SRGAP1: variants seen among roughly 807,000 people sequenced by gnomAD.
SRGAP1 encodes SLIT-ROBO Rho GTPase activating protein 1.
Under a neutral mutation model 121.9 loss-of-function variants are expected in SRGAP1, and 43 were observed. The ratio of observed to expected loss-of-function variants is 0.35; its 90% CI spans 0.28 to 0.46. SRGAP1 has a LOEUF of 0.46. Among genes scored for constraint, SRGAP1 ranks in the 20% least tolerant of loss-of-function variants. The pLI, the probability that SRGAP1 is intolerant of heterozygous loss-of-function variation, is 1.00. For synonymous variants in SRGAP1, 447 were observed against 485.4 expected (o/e 0.92, Z 1.04); for missense variants, 1,102 against 1,350.9 (o/e 0.82, Z 2.89).
At chr12:63,864,357 T>C (rs1424550815) in intron 1 of SRGAP1, among the ~76,000 whole-genome samples, 1 of 152,158 alleles carries the variant, frequency 6.6e-6, no homozygotes, top group Non-Finnish European at 1.5e-5. Flanking sequence ...TAATACCACG[T>C]CCCATTTTCA....
rs1212962683 is a variant in SRGAP1 at position 63,971,817 on chromosome 12, C to T, written c.68-12130C>T. Among the ~76,000 whole-genome samples, 4 of 151,978 alleles carry T rather than the reference C, an allele frequency of 2.6e-5. No individual in the cohort carries two copies. The East Asian group carries it at 7.7e-4, about 29-fold the overall frequency. On this transcript the variant is annotated intron_variant, in intron 1 of 21. Transcript: ENST00000355086. ...TTTTAGCTGAAAAAATAATTGCCAT[C>T]TCTTTAAGGATTTTGTAGCCTAAAA...
intron 21 of SRGAP1, among the ~76,000 whole-genome samples, chr12:64,141,363 T>C (rs897746878): frequency 1.3e-5 from 2 of 150,948 alleles, no homozygotes; most frequent in Admixed American, 6.6e-5. Context: ...AGGCGGATCA[T>C]GAGGTCAGGA....
chr12:63,867,236 C>T (rs2136272862), intron 1 of SRGAP1, among the ~76,000 whole-genome samples: 1 of 152,338 alleles, frequency 6.6e-6, no homozygotes, highest in African/African-American at 2.4e-5. Context: ...TGGCCTAAGC[C>T]TCTTATCTCA....
At chr12:64,111,660 T>C in intron 16 of SRGAP1, 102 bp from the exon 17 acceptor site, 2 of 1,016,582 alleles carry the variant, frequency 2.0e-6, no homozygotes, top group Non-Finnish European at 2.8e-6. Context: ...CAACTTAAAG[T>C]TGAAGTATCT....
At chr12:64,099,594 T>C (rs2036222696) in intron 15 of SRGAP1, among the ~76,000 whole-genome samples, 1 of 152,152 alleles carries the variant, frequency 6.6e-6, no homozygotes, top group South Asian at 2.1e-4. Context: ...TGCACGTCCA[T>C]TCCACGGCCC....
Position 64,147,714 on chromosome 12 carries a change from G to C in SRGAP1, c.*5042G>C. Reference sequence around the variant, plus strand: ...AAAAAAAATGTTTTGTTAATCTGTTGTGACAATGCACTTTTATGTATAGTA... The same window carrying C: ...AAAAAAAATGTTTTGTTAATCTGTTCTGACAATGCACTTTTATGTATAGTA... On this transcript the variant is annotated 3_prime_UTR_variant, in exon 22 of 22. Transcript: ENST00000355086. 2.5e-6 allele frequency: 1 copy of C among 398,562 alleles called. No homozygotes were observed. Among genetic ancestry groups the C allele is most frequent in the South Asian group, 1.3e-4 (1 of 7,846 alleles). 24.7% of individuals were successfully genotyped at this position (398,562 alleles called of 1,614,324 possible).
rs200766847 is a variant in SRGAP1 at position 64,109,035 on chromosome 12, T to C, written c.1917T>C (p.Asn639=). The change falls in exon 16 of 22, where the codon AAT becomes AAC. Residue 639 remains asparagine (N), a splice_region_variant and synonymous_variant. Transcript: ENST00000355086. ...IVMRYLFAFL[N]HLSQYSDENM... ...TGAGGTACCTCTTTGCCTTCCTCAATCAGTAAGTACCTGAATGCTCTGACA... is the reference window on the plus strand; with the variant it reads ...TGAGGTACCTCTTTGCCTTCCTCAACCAGTAAGTACCTGAATGCTCTGACA... 3.9e-6 allele frequency: 6 copies of C among 1,555,572 alleles called. No individual in the cohort carries two copies. Among genetic ancestry groups the C allele is most frequent in the Non-Finnish European group, 5.3e-6 (6 of 1,141,576 alleles).
intron 1 of SRGAP1, among the ~76,000 whole-genome samples, chr12:63,850,043 G>A (rs1420889675): frequency 2.6e-5 from 4 of 152,090 alleles, no homozygotes; most frequent in African/African-American, 9.7e-5. Context: ...TTTTCACCAG[G>A]ACCATTTTAA....
At chr12:63,914,483 A>G (rs952888266) in intron 1 of SRGAP1, among the ~76,000 whole-genome samples, 1 of 152,202 alleles carries the variant, frequency 6.6e-6, no homozygotes, top group Non-Finnish European at 1.5e-5. Context: ...TACTACTACA[A>G]TTTAATATTG....
chr12:63,950,724 A>T (rs2032259376), intron 1 of SRGAP1, among the ~76,000 whole-genome samples: 1 of 152,146 alleles, frequency 6.6e-6, no homozygotes, highest in South Asian at 2.1e-4. Flanking sequence ...AAACCTTTGC[A>T]TTCCGTAGAA....
intron 8 of SRGAP1, among the ~76,000 whole-genome samples, chr12:64,068,138 G>T (rs1465662356): frequency 6.6e-6 from 1 of 151,750 alleles, no homozygotes; most frequent in African/African-American, 2.4e-5. Context: ...AATTAGCTGG[G>T]CATGGCAGCA....
chr12:64,101,411 A>G (rs1403789014), intron 15 of SRGAP1, among the ~76,000 whole-genome samples: 1 of 150,862 alleles, frequency 6.6e-6, no homozygotes, highest in Non-Finnish European at 1.5e-5. Context: ...GTTCTTTGGA[A>G]GCTTACAAAT....
chr12:64,109,907 G>A (rs1405303509), intron 16 of SRGAP1, among the ~76,000 whole-genome samples: 3 of 152,126 alleles, frequency 2.0e-5, no homozygotes, highest in African/African-American at 7.2e-5. Context: ...TACCCACTCA[G>A]CTTGACCCCA....
At chr12:64,017,634 A>T (rs2034437233) in intron 4 of SRGAP1, among the ~76,000 whole-genome samples, 1 of 151,756 alleles carries the variant, frequency 6.6e-6, no homozygotes, top group Admixed American at 6.6e-5. Context: ...CAGCCTGGGC[A>T]ACAGAGTGAG....
At chr12:64,065,059 G>T in intron 7 of SRGAP1, 59 bp from the exon 8 acceptor site, 2 of 1,256,092 alleles carry the variant, frequency 1.6e-6, no homozygotes, top group East Asian at 2.4e-5. Context: ...TAACAGAGCC[G>T]TGCTTCTGGA....
chr12:63,970,588 CAGA>C, intron 1 of SRGAP1, among the ~76,000 whole-genome samples: 1 of 152,164 alleles, frequency 6.6e-6, no homozygotes, highest in East Asian at 1.9e-4. Context: ...ATAAGAAAAG[CAGA>C]AGATCAGTGT....
intron 1 of SRGAP1, among the ~76,000 whole-genome samples, chr12:63,924,185 G>A (rs1035875793): frequency 4.6e-5 from 7 of 152,096 alleles, no homozygotes; most frequent in African/African-American, 1.7e-4. Flanking sequence ...AGAAAAAAAA[G>A]AGTATGAACT....
intron 1 of SRGAP1, among the ~76,000 whole-genome samples, chr12:63,893,124 T>G (rs1900643065): frequency 6.6e-6 from 1 of 152,238 alleles, no homozygotes; most frequent in Non-Finnish European, 1.5e-5. Context: ...AGACGGTGAT[T>G]ATGCTGTTTT....
At chr12:64,109,414 A>G (rs1264900290) in intron 16 of SRGAP1, among the ~76,000 whole-genome samples, 3 of 152,144 alleles carry the variant, frequency 2.0e-5, no homozygotes, top group African/African-American at 7.2e-5. Context: ...ACTTTTTAAT[A>G]TTGTAGTTGA....
Sources: gnomAD v4.1 joint callset for allele counts (sites outside exome capture counted in the v4.1 genomes callset) on GRCh38, gnomAD v4.1.1 for gene constraint, MANE v1.5 for transcripts, NCBI Gene and HGNC (gene_info 2026-07-23, HGNC 2026-07-21) for gene names.